The following SAMMSON variants were observed in gnomAD, a reference collection of about 807,000 sequenced individuals.
SAMMSON encodes the protein survival associated mitochondrial melanoma specific oncogenic non-coding RNA, also known as long intergenic non-protein coding RNA 1212.
intron 7 of SAMMSON, among the ~76,000 whole-genome samples, chr3:70,317,269 T>G (rs1232511048): frequency 6.6e-6 from 1 of 152,060 alleles, no homozygotes; most frequent in African/African-American, 2.4e-5. Context: ...TTGCAGATAT[T>G]GCATTTGTTT....
intron 4 of SAMMSON, among the ~76,000 whole-genome samples, chr3:70,098,146 A>G (rs2067329417): frequency 6.6e-6 from 1 of 152,212 alleles, no homozygotes; most frequent in African/African-American, 2.4e-5. Context: ...AAATTATTGC[A>G]GGGCAATTTT....
chr3:70,016,067 G>C (rs2066983768), intron 3 of SAMMSON, among the ~76,000 whole-genome samples: 1 of 152,078 alleles, frequency 6.6e-6, no homozygotes, highest in Non-Finnish European at 1.5e-5. Flanking sequence ...ATAATCCTTT[G>C]GGTATATACC....
intron 4 of SAMMSON, among the ~76,000 whole-genome samples, chr3:70,167,732 C>A (rs1273611443): frequency 6.6e-6 from 1 of 151,876 alleles, no homozygotes; most frequent in Non-Finnish European, 1.5e-5. Context: ...CCCTGATGAA[C>A]GTCAGCACCA....
downstream of SAMMSON, among the ~76,000 whole-genome samples, chr3:70,391,313 A>T (rs1421035891): frequency 6.6e-6 from 1 of 152,188 alleles, no homozygotes; most frequent in Non-Finnish European, 1.5e-5. Flanking sequence ...AAATGATTGG[A>T]GTAAATATTT....
chr3:70,217,198 C>T (rs987538336), intron 4 of SAMMSON, among the ~76,000 whole-genome samples: 1 of 152,084 alleles, frequency 6.6e-6, no homozygotes, highest in Non-Finnish European at 1.5e-5. Context: ...AGGTACTCAA[C>T]ATACAGGGAA....
chr3:70,079,528 G>GT (rs1391805535), intron 4 of SAMMSON, among the ~76,000 whole-genome samples: 1 of 152,080 alleles, frequency 6.6e-6, no homozygotes, highest in Non-Finnish European at 1.5e-5. Context: ...CAACTGTTCT[G>GT]TTTTTTCCTT....
intron 4 of SAMMSON, among the ~76,000 whole-genome samples, chr3:70,194,672 TTA>T (rs1487446900): frequency 6.6e-6 from 1 of 152,228 alleles, no homozygotes; most frequent in Non-Finnish European, 1.5e-5. Flanking sequence ...CTGGTGATTT[TTA>T]TGTCTCTAAT....
chr3:70,026,833 A>G (rs958388894), intron 3 of SAMMSON, among the ~76,000 whole-genome samples: 2 of 152,202 alleles, frequency 1.3e-5, no homozygotes, highest in African/African-American at 4.8e-5. Context: ...ATGACATTTT[A>G]TCCTATCAGT....
At chr3:70,082,371 C>T (rs2106641716) in intron 4 of SAMMSON, among the ~76,000 whole-genome samples, 2 of 152,240 alleles carry the variant, frequency 1.3e-5, no homozygotes, top group South Asian at 4.2e-4. Context: ...AAGGAGCTAA[C>T]CTAGGCCAGG....
intron 4 of SAMMSON, among the ~76,000 whole-genome samples, chr3:70,189,868 G>A (rs568769028): frequency 1.5e-4 from 23 of 152,164 alleles, no homozygotes; most frequent in Non-Finnish European, 3.4e-4. Flanking sequence ...TACTCTTTTT[G>A]ATCACTTGCT....
chr3:70,206,964 C>T (rs1199907316), intron 4 of SAMMSON, among the ~76,000 whole-genome samples: 2 of 150,208 alleles, frequency 1.3e-5, no homozygotes, highest in African/African-American at 4.9e-5. Flanking sequence ...AAGAAGAGTG[C>T]AATCATTATA....
At chr3:70,229,119 T>A (rs1457506031) in intron 4 of SAMMSON, among the ~76,000 whole-genome samples, 1 of 152,180 alleles carries the variant, frequency 6.6e-6, no homozygotes, top group Non-Finnish European at 1.5e-5. Flanking sequence ...GGATGTACCC[T>A]CTCTTTTATC....
At chr3:70,414,153 T>C (rs1476050000) in intron 2 of SAMMSON, among the ~76,000 whole-genome samples, 1 of 152,086 alleles carries the variant, frequency 6.6e-6, no homozygotes, top group Non-Finnish European at 1.5e-5. Context: ...GTTTGTAAAG[T>C]CTTGTGTGAG....
intron 2 of SAMMSON, among the ~76,000 whole-genome samples, chr3:70,417,217 C>A (rs1701271076): frequency 6.6e-6 from 1 of 152,130 alleles, no homozygotes; most frequent in South Asian, 2.1e-4. Flanking sequence ...TGTCAATCAT[C>A]ATTAGGTTTG....
chr3:70,400,431 C>T lies in SAMMSON; in HGVS notation n.233+42107C>T, dbSNP rs563151126. Among the ~76,000 whole-genome samples, 18 of 152,296 alleles carry T rather than the reference C, an allele frequency of 1.2e-4. No individual in the cohort carries two copies. In the East Asian group the frequency reaches 3.5e-3, roughly 29 times the overall value. On this transcript the variant is annotated intron_variant and non_coding_transcript_variant, in intron 2 of 3. Coordinates refer to the SAMMSON transcript ENST00000641053. ...TTGGGTCCTCTTTCTTGCTTCCTCT[C>T]TCACCATGTGATCTCTGCACACATC...
chr3:70,423,930 C>G (rs1215614956), intron 2 of SAMMSON, among the ~76,000 whole-genome samples: 1 of 152,148 alleles, frequency 6.6e-6, no homozygotes, highest in African/African-American at 2.4e-5. Context: ...TCTTTCTGGT[C>G]TGGAATTATC....
At chr3:70,123,167 G>A (rs778991713) in intron 4 of SAMMSON, among the ~76,000 whole-genome samples, 8 of 152,182 alleles carry the variant, frequency 5.3e-5, no homozygotes, top group Non-Finnish European at 1.0e-4. Context: ...CCAAGACTCT[G>A]CATTTCTACC....
chr3:70,276,213 T>C (rs1383821932), intron 6 of SAMMSON, among the ~76,000 whole-genome samples: 3 of 152,148 alleles, frequency 2.0e-5, no homozygotes, highest in East Asian at 3.8e-4. Context: ...CAGTGAAAAA[T>C]AATTTCTTGC....
chr3:70,040,302 G>A (rs1056272829), intron 3 of SAMMSON, among the ~76,000 whole-genome samples: 1 of 152,102 alleles, frequency 6.6e-6, no homozygotes, highest in African/African-American at 2.4e-5. Context: ...AATCATATGA[G>A]GCTAAATTCC....
Sources: gnomAD v4.1 joint callset for allele counts (sites outside exome capture counted in the v4.1 genomes callset) on GRCh38, gnomAD v4.1.1 for gene constraint, MANE v1.5 for transcripts, NCBI Gene and HGNC (gene_info 2026-07-23, HGNC 2026-07-21) for gene names.